Variants in KCNIP4 observed in about 807,000 individuals in gnomAD.
The protein encoded by KCNIP4 is potassium voltage-gated channel interacting protein 4, also known as Kv channel-interacting protein 4.
Under a neutral mutation model 34.0 loss-of-function variants are expected in KCNIP4, and 12 were observed. The ratio of observed to expected loss-of-function variants is 0.35; its 90% confidence interval spans 0.23 to 0.57. The LOEUF (loss-of-function observed/expected upper bound fraction) is 0.57, where lower values mean the gene tolerates loss of function less well. KCNIP4 is among the 20% of genes least tolerant of loss of function. The pLI is 0.83. For missense variants in KCNIP4, 238 were observed against 311.7 expected (o/e 0.76, Z 1.78); for synonymous variants, 124 against 102.2 (o/e 1.21, Z -1.29).
At chr4:21,207,771 GTTATT>G (rs1756942027) in intron 1 of KCNIP4, among the ~76,000 whole-genome samples, 3 of 146,424 alleles carry the variant, frequency 2.0e-5, no homozygotes, top group African/African-American at 7.6e-5. Flanking sequence ...ATTTTAATCA[GTTATT>G]TCCACTTCTA....
chr4:20,746,235 A>G (rs1752390741), intron 5 of KCNIP4, among the ~76,000 whole-genome samples: 1 of 152,170 alleles, frequency 6.6e-6, no homozygotes, highest in East Asian at 1.9e-4. Context: ...TGGGGAATGA[A>G]GCTGGAAACC....
chr4:20,916,988 TATATATATATATA>T lies in KCNIP4; in HGVS notation c.62-34292_62-34280del, dbSNP rs1728891031. ...TCCACCATTGACCATCTTATGTTTA[TATATATATATATA>T]TATATATATATATATATATATATAT... On this transcript the variant is annotated intron_variant, in intron 1 of 8. Transcript: ENST00000382152. 8.0e-3 allele frequency among the ~76,000 whole-genome samples: 243 copies of T among 30,372 alleles called. 34 individuals are homozygous for T. Among genetic ancestry groups the T allele is most frequent in the South Asian group, 0.029 (16 of 550 alleles). 19.9% of individuals were successfully genotyped at this position (30,372 alleles called of 152,430 possible).
chr4:21,447,646 G>C (rs982897307), intron 1 of KCNIP4, among the ~76,000 whole-genome samples: 2 of 152,094 alleles, frequency 1.3e-5, no homozygotes, highest in African/African-American at 4.8e-5. Context: ...GGTACAGTAA[G>C]ATATTAACAC....
At chr4:21,501,847 C>T (rs1004006707) in intron 1 of KCNIP4, among the ~76,000 whole-genome samples, 1 of 152,002 alleles carries the variant, frequency 6.6e-6, no homozygotes, top group Non-Finnish European at 1.5e-5. Context: ...TTTTATATAT[C>T]TGGTTCAAAT....
intron 3 of KCNIP4, among the ~76,000 whole-genome samples, chr4:20,779,633 G>A (rs1756695018): frequency 8.0e-6 from 1 of 124,878 alleles, no homozygotes; most frequent in South Asian, 2.4e-4. Flanking sequence ...GGTATAATTA[G>A]TTTAAGGATC....
chr4:21,106,597 T>C (rs1748563040), intron 1 of KCNIP4, among the ~76,000 whole-genome samples: 2 of 151,556 alleles, frequency 1.3e-5, no homozygotes, highest in African/African-American at 2.4e-5. Flanking sequence ...CTCTATTTCC[T>C]TCAGGTCTGC....
intron 1 of KCNIP4, among the ~76,000 whole-genome samples, chr4:20,922,011 G>A (rs1729432962): frequency 6.6e-6 from 1 of 152,146 alleles, no homozygotes; most frequent in Non-Finnish European, 1.5e-5. Context: ...ACTCATTTCA[G>A]ATGATGTGAG....
At chr4:20,810,908 C>T (rs986549574) in intron 3 of KCNIP4, among the ~76,000 whole-genome samples, 1 of 152,026 alleles carries the variant, frequency 6.6e-6, no homozygotes, top group Non-Finnish European at 1.5e-5. Flanking sequence ...GCATTTGATG[C>T]CTTCAGGGAT....
chr4:20,910,358 G>A (rs1440791367), intron 1 of KCNIP4, among the ~76,000 whole-genome samples: 2 of 151,978 alleles, frequency 1.3e-5, no homozygotes, highest in East Asian at 3.9e-4. Flanking sequence ...TTTGTCAACA[G>A]TACATGGCCA....
At chr4:21,900,174 A>C (rs947736492) in intron 1 of KCNIP4, among the ~76,000 whole-genome samples, 1 of 152,202 alleles carries the variant, frequency 6.6e-6, no homozygotes, top group African/African-American at 2.4e-5. Context: ...AACATATCAA[A>C]AGTTTTCATT....
intron 1 of KCNIP4, among the ~76,000 whole-genome samples, chr4:21,234,251 T>TAACG (rs1759119861): frequency 8.4e-6 from 1 of 118,972 alleles, no homozygotes; most frequent in African/African-American, 3.5e-5. Flanking sequence ...ATAACATATA[T>TAACG]TATATATAAC....
At chr4:20,813,797 G>T (rs1437430780) in intron 3 of KCNIP4, among the ~76,000 whole-genome samples, 1 of 152,156 alleles carries the variant, frequency 6.6e-6, no homozygotes, top group Non-Finnish European at 1.5e-5. Context: ...GAAAAAATTG[G>T]CACAGAACAT....
intron 1 of KCNIP4, among the ~76,000 whole-genome samples, chr4:21,113,478 AAAGG>A (rs2109111290): frequency 8.4e-6 from 1 of 118,728 alleles, no homozygotes; most frequent in Non-Finnish European, 1.7e-5. Context: ...AAAAAAAAAA[AAAGG>A]AAAGCTATAC....
intron 1 of KCNIP4, among the ~76,000 whole-genome samples, chr4:21,520,834 A>G (rs140407755): frequency 0.011 from 1,603 of 152,296 alleles, 27 homozygotes; most frequent in African/African-American, 0.037. Context: ...GACTACTTCA[A>G]TTGGGGTAAG....
chr4:20,762,626 G>T (rs957992930), intron 3 of KCNIP4, among the ~76,000 whole-genome samples: 1 of 152,232 alleles, frequency 6.6e-6, no homozygotes, highest in Admixed American at 6.5e-5. Context: ...CAGGCTGCAT[G>T]TGCAGCAAAG....
chr4:21,470,332 G>A (rs1730353136), intron 1 of KCNIP4, among the ~76,000 whole-genome samples: 1 of 152,104 alleles, frequency 6.6e-6, no homozygotes, highest in African/African-American at 2.4e-5. Flanking sequence ...AAAGGAGAAA[G>A]GGAAGAAAGG....
chr4:21,485,081 C>T (rs546272238), intron 1 of KCNIP4, among the ~76,000 whole-genome samples: 5 of 152,260 alleles, frequency 3.3e-5, no homozygotes, highest in African/African-American at 7.2e-5. Context: ...TCATAGTTGT[C>T]GCTTCACATG....
chr4:21,555,842 A>T (rs925381976), intron 1 of KCNIP4, among the ~76,000 whole-genome samples: 1 of 152,060 alleles, frequency 6.6e-6, no homozygotes, highest in Non-Finnish European at 1.5e-5. Context: ...GTCATTCTAC[A>T]TTGGTTGTCA....
intron 1 of KCNIP4, among the ~76,000 whole-genome samples, chr4:21,441,555 T>C (rs896983112): frequency 1.3e-5 from 2 of 152,120 alleles, no homozygotes; most frequent in African/African-American, 4.8e-5. Context: ...GCATCAAAAG[T>C]CAAAAAGCAC....
Sources: allele counts gnomAD v4.1 joint callset (sites outside exome capture counted in the v4.1 genomes callset), GRCh38; gene constraint gnomAD v4.1.1; transcripts MANE v1.5; gene names NCBI Gene and HGNC (gene_info 2026-07-23, HGNC 2026-07-21).